Variants in DOP1A observed in about 807,000 individuals in gnomAD.
DOP1A encodes the protein DOP1 leucine zipper like protein A, also known as protein DOP1A.
In DOP1A, 90 loss-of-function variants were observed where a neutral mutation model predicts 267.6. The ratio of observed to expected loss-of-function variants is 0.34; its 90% CI spans 0.28 to 0.40. DOP1A has a LOEUF of 0.40. Among genes scored for constraint, DOP1A ranks in the 10% least tolerant of loss-of-function variants. DOP1A has a pLI of 1.00. For synonymous variants in DOP1A, 932 were observed against 999.1 expected (o/e 0.93, Z 1.27); for missense variants, 2,437 against 2,900.4 (o/e 0.84, Z 3.67).
chr6:83,123,296 C>T (rs1329780130), intron 12 of DOP1A, among the ~76,000 whole-genome samples: 1 of 152,040 alleles, frequency 6.6e-6, no homozygotes, highest in Admixed American at 6.6e-5. Flanking sequence ...GCTGCTGCCT[C>T]AGCACACTTT....
intron 19 of DOP1A, among the ~76,000 whole-genome samples, chr6:83,134,919 C>G (rs1036234097): frequency 1.3e-5 from 2 of 152,072 alleles, no homozygotes; most frequent in South Asian, 4.1e-4. Context: ...CAGATGTGTC[C>G]TCTACTGAAC....
chr6:83,135,511 C>A (rs1778744740), intron 19 of DOP1A, 108 bp from the exon 20 acceptor site: 1 of 1,236,850 alleles, frequency 8.1e-7, no homozygotes, highest in Non-Finnish European at 1.1e-6. Context: ...AGTATGACTA[C>A]TTCAAAATAG....
Position 83,122,911 on chromosome 6 carries a change from C to T in DOP1A, c.1269C>T (p.Asn423=). Residue 423 remains asparagine (N), a synonymous_variant, in exon 12 of 39, where the codon AAC becomes AAT. Coordinates refer to ENST00000349129, the MANE Select transcript of DOP1A (RefSeq NM_015018.4). ...KKTAELIKTA[N]LLFNSFEPYY... ...CAGCAGAGCTGATTAAAACTGCTAA[C>T]CTTCTCTTTAATTCCTTCGAACCTT... 6.4e-7 allele frequency: 1 copy of T among 1,570,256 alleles called. No individual in the cohort carries two copies. The highest frequency in any genetic ancestry group is 2.3e-5 in the East Asian group (1 of 42,838).
At chr6:83,160,559 A>C (rs1054312814) in intron 37 of DOP1A, among the ~76,000 whole-genome samples, 1 of 152,202 alleles carries the variant, frequency 6.6e-6, no homozygotes, top group African/African-American at 2.4e-5. Context: ...TTGGCTATGT[A>C]GTGTGGAGAA....
Position 83,094,809 on chromosome 6 carries a change from C to G in DOP1A, c.-146-1922C>G, listed in dbSNP as rs75417168. 3.0e-3 allele frequency among the ~76,000 whole-genome samples: 451 copies of G among 152,248 alleles called. 2 individuals are homozygous for G. Among genetic ancestry groups the G allele is most frequent in the African/African-American group, 0.01 (432 of 41,550 alleles). On this transcript the variant is annotated intron_variant, in intron 1 of 38. Coordinates refer to ENST00000349129, the MANE Select transcript of DOP1A (RefSeq NM_015018.4). ...AGATATATGGAGGATATATTTTCTC[C>G]TATTCTGTCAGTTGTCTTTTCACTT...
intron 1 of DOP1A, among the ~76,000 whole-genome samples, chr6:83,091,633 G>A (rs1029513966): frequency 2.0e-5 from 3 of 152,140 alleles, no homozygotes; most frequent in Non-Finnish European, 4.4e-5. Context: ...GGATGTGTAT[G>A]TTGAGATAAT....
rs1446056675 is a variant in DOP1A at position 83,168,180 on chromosome 6, G to A, written c.*13G>A. Reference sequence around the variant, plus strand: ...GATAAAAACTTGAGCACCATTGCTGGTTCCATTTAGCTTACATGTAAATGT... The same window carrying A: ...GATAAAAACTTGAGCACCATTGCTGATTCCATTTAGCTTACATGTAAATGT... On this transcript the variant is annotated 3_prime_UTR_variant, in exon 39 of 39. Coordinates refer to ENST00000349129, the MANE Select transcript of DOP1A (RefSeq NM_015018.4). 6.2e-7 allele frequency: 1 copy of A among 1,604,022 alleles called. No individual in the cohort carries two copies. Among genetic ancestry groups the A allele is most frequent in the African/African-American group, 1.3e-5 (1 of 74,352 alleles).
At chr6:83,090,846 C>G (rs569622170) in intron 1 of DOP1A, among the ~76,000 whole-genome samples, 1 of 152,260 alleles carries the variant, frequency 6.6e-6, no homozygotes, top group South Asian at 2.1e-4. Context: ...TATCTTTACA[C>G]TTCTTTTCTG....
chr6:83,164,349 G>T (rs554321855), intron 38 of DOP1A, among the ~76,000 whole-genome samples: 1 of 151,578 alleles, frequency 6.6e-6, no homozygotes, highest in African/African-American at 2.4e-5. Flanking sequence ...TAGGACTTTG[G>T]TACTTTCAAT....
intron 3 of DOP1A, among the ~76,000 whole-genome samples, chr6:83,097,863 T>G (rs1031628387): frequency 6.9e-6 from 1 of 145,870 alleles, no homozygotes; most frequent in Non-Finnish European, 1.5e-5. Flanking sequence ...TTATTTTATT[T>G]TATTATTTTA....
downstream of DOP1A, chr6:83,169,125 G>T (rs1786512562): frequency 1.3e-6 from 2 of 1,517,428 alleles, no homozygotes; most frequent in African/African-American, 2.8e-5. Context: ...AATCCAGTAG[G>T]CTGCATTGTA....
At chr6:83,134,540 GATA>G (rs1364346806) in intron 19 of DOP1A, 2 of 356,932 alleles carry the variant, frequency 5.6e-6, no homozygotes, top group Non-Finnish European at 1.0e-5. Context: ...TCACGTTCCT[GATA>G]ATGTTAGTGA....
At chr6:83,095,505 C>T (rs977425757) in intron 1 of DOP1A, among the ~76,000 whole-genome samples, 5 of 152,086 alleles carry the variant, frequency 3.3e-5, no homozygotes, top group South Asian at 2.1e-4. Flanking sequence ...CCTGTAGGTC[C>T]GTGCATCCAG....
intron 23 of DOP1A, 90 bp downstream of exon 23, chr6:83,140,493 T>C (rs776411798): frequency 5.6e-6 from 6 of 1,067,596 alleles, no homozygotes; most frequent in Non-Finnish European, 8.0e-6. Context: ...ATTTGTGTAG[T>C]ATTTACAGGA....
chr6:83,071,398 G>C (rs1409522909), intron 1 of DOP1A, among the ~76,000 whole-genome samples: 1 of 151,890 alleles, frequency 6.6e-6, no homozygotes, highest in Admixed American at 6.5e-5. Context: ...GCAGAGACAG[G>C]GTTTCGCCAT....
In DOP1A at chr6:83,092,648, GT is replaced by G. The variant is rs548191885; in HGVS notation, c.-146-4074del. On this transcript the variant is annotated intron_variant, in intron 1 of 38. Transcript: ENST00000349129. ...CAGATAGTACCAAACTCTAAATTCT[GT>G]TTTTTTTTCTATACATATATACCAG... Among the ~76,000 whole-genome samples, 21 of 134,216 alleles carry G rather than the reference GT, an allele frequency of 1.6e-4. 1 individual carries two copies. Among genetic ancestry groups the G allele is most frequent in the South Asian group, 1.4e-3 (6 of 4,252 alleles). The allele number at this position is 134,216 out of a possible 152,430, so 88.1% of individuals were successfully genotyped here.
chr6:83,075,651 G>T (rs1468757735), intron 1 of DOP1A, among the ~76,000 whole-genome samples: 1 of 152,150 alleles, frequency 6.6e-6, no homozygotes, highest in Non-Finnish European at 1.5e-5. Flanking sequence ...CAGACATATA[G>T]ATCAATGAAA....
Position 83,125,641 on chromosome 6 carries a change from G to T in DOP1A, c.1627G>T (p.Val543Phe). The change falls in exon 15 of 39, where the codon GTT becomes TTT. Residue 543 changes from valine to phenylalanine, a missense_variant. Physicochemically the swap from Val to Phe is conservative, Grantham distance 50. Transcript: ENST00000349129. ...ACTCTGCTCAAAGATCCTTAGCAAG[G>T]TTCAGCCTCCACTGTTATCTGCTAG... The part of the protein sequence containing the change: ...LRLCSKILSK[V>F]QPPLLSASTG... 1.2e-6 allele frequency: 2 copies of T among 1,613,790 alleles called. No homozygotes were observed. Among genetic ancestry groups the T allele is most frequent in the Non-Finnish European group, 1.7e-6 (2 of 1,179,800 alleles).
intron 28 of DOP1A, 109 bp downstream of exon 28, chr6:83,151,768 A>G (rs1225638157): frequency 3.2e-5 from 46 of 1,435,934 alleles, no homozygotes; most frequent in Non-Finnish European, 4.1e-5. Flanking sequence ...TGAACATTCT[A>G]TGGGAATCAA....
Sources: allele counts gnomAD v4.1 joint callset (sites outside exome capture counted in the v4.1 genomes callset), GRCh38; gene constraint gnomAD v4.1.1; transcripts MANE v1.5; gene names NCBI Gene and HGNC (gene_info 2026-07-23, HGNC 2026-07-21).